Variants in CRTC3 observed in about 807,000 individuals in gnomAD.
The protein encoded by CRTC3 is CREB regulated transcription coactivator 3.
CRTC3 carries 26 observed loss-of-function variants against 74.5 expected under a neutral mutation model. That is an observed-to-expected ratio of 0.35 (90% CI 0.26 to 0.48). CRTC3 has a LOEUF of 0.48. Ranked by LOEUF, CRTC3 falls within the 20% of genes least tolerant of loss-of-function variation. The pLI is 0.99. For missense variants in CRTC3, 760 were observed against 787.3 expected, an observed-to-expected ratio of 0.97 and a Z score of 0.41; for synonymous variants, 377 against 325.8, an observed-to-expected ratio of 1.16 and a Z score of -1.69.
chr15:90,552,776 G>A (rs1333978174), intron 2 of CRTC3, among the ~76,000 whole-genome samples: 1 of 152,202 alleles, frequency 6.6e-6, no homozygotes, highest in East Asian at 1.9e-4. Flanking sequence ...GAGCTGGATT[G>A]TGTTAAGGGA....
intron 3 of CRTC3, chr15:90,596,295 G>C (rs1204017471): frequency 6.6e-6 from 1 of 152,242 alleles, no homozygotes; most frequent in African/African-American, 2.4e-5. Flanking sequence ...TGGGAGGTAT[G>C]TTCCAGGCAG....
At chr15:90,560,505 G>A (rs961156716) in intron 2 of CRTC3, among the ~76,000 whole-genome samples, 7 of 152,326 alleles carry the variant, frequency 4.6e-5, no homozygotes, top group African/African-American at 7.2e-5. Flanking sequence ...CCTCAGCTAC[G>A]CAGCATGATT....
chr15:90,635,643 T>C (rs1050423642), intron 11 of CRTC3, among the ~76,000 whole-genome samples: 1 of 152,028 alleles, frequency 6.6e-6, no homozygotes, highest in African/African-American at 2.4e-5. Flanking sequence ...AGACTCTGTC[T>C]CCAGAAAAAC....
chr15:90,603,378 G>A (rs1410071895), intron 4 of CRTC3, among the ~76,000 whole-genome samples: 1 of 151,856 alleles, frequency 6.6e-6, no homozygotes, highest in East Asian at 1.9e-4. Flanking sequence ...AGGAGGCGGA[G>A]CTTGCAGTGA....
chr15:90,603,691 T>G (rs1263764668), intron 4 of CRTC3, among the ~76,000 whole-genome samples: 1 of 152,182 alleles, frequency 6.6e-6, no homozygotes, highest in Non-Finnish European at 1.5e-5. Flanking sequence ...ATTTAAAATG[T>G]GTGTATCAAA....
intron 2 of CRTC3, among the ~76,000 whole-genome samples, chr15:90,564,428 G>A (rs928086085): frequency 2.6e-5 from 4 of 152,022 alleles, no homozygotes; most frequent in African/African-American, 9.7e-5. Flanking sequence ...TAGTTCTTAG[G>A]AACTACTGAA....
At chr15:90,545,863 C>T (rs1966843493) in intron 2 of CRTC3, among the ~76,000 whole-genome samples, 1 of 152,222 alleles carries the variant, frequency 6.6e-6, no homozygotes, top group Non-Finnish European at 1.5e-5. Flanking sequence ...CAGGCGTGAG[C>T]CACTGCGCCT....
intron 2 of CRTC3, among the ~76,000 whole-genome samples, chr15:90,550,103 A>C (rs1432732824): frequency 6.6e-6 from 1 of 151,680 alleles, no homozygotes; most frequent in South Asian, 2.1e-4. Context: ...CTCTTGGCCT[A>C]GGATGACTTA....
chr15:90,591,822 T>C (rs1246437171), intron 2 of CRTC3, among the ~76,000 whole-genome samples: 2 of 152,190 alleles, frequency 1.3e-5, no homozygotes, highest in African/African-American at 4.8e-5. Flanking sequence ...TGTGTCCTCA[T>C]TGCATCTTGC....
intron 2 of CRTC3, among the ~76,000 whole-genome samples, chr15:90,540,656 C>T (rs919941304): frequency 6.6e-6 from 1 of 152,108 alleles, no homozygotes; most frequent in East Asian, 1.9e-4. Context: ...AGCTGTAGTC[C>T]CAGCTACTTG....
intron 6 of CRTC3, 145 bp from the exon 7 acceptor site, chr15:90,614,308 C>A: frequency 1.7e-6 from 1 of 585,838 alleles, no homozygotes; most frequent in Non-Finnish European, 3.0e-6. Flanking sequence ...GATAAAGCAC[C>A]TTAAATGAAA....
At chr15:90,630,567 T>C (rs6496713) in intron 11 of CRTC3, among the ~76,000 whole-genome samples, 101,324 of 151,938 alleles carry the variant, frequency 0.67, 35,039 homozygotes, top group South Asian at 0.78. Flanking sequence ...TGAGCCAAGA[T>C]AGCCTCACTG....
chr15:90,557,161 G>A (rs1966910191), intron 2 of CRTC3, among the ~76,000 whole-genome samples: 1 of 152,036 alleles, frequency 6.6e-6, no homozygotes, highest in Non-Finnish European at 1.5e-5. Context: ...ATTTTAATCA[G>A]TGTCTGGGAG....
At chr15:90,539,994 T>A (rs1451816228) in intron 1 of CRTC3, 45 bp from the exon 2 acceptor site, 2 of 1,248,344 alleles carry the variant, frequency 1.6e-6, no homozygotes. Context: ...CTTCTTTAGA[T>A]CTTTGCTGTT....
Position 90,645,160 on chromosome 15 carries a change from T to C in CRTC3, c.*3020T>C, listed in dbSNP as rs1002178223. 1.0e-4 allele frequency: 23 copies of C among 229,770 alleles called. No homozygotes were observed. Among genetic ancestry groups the C allele is most frequent in the African/African-American group, 4.0e-4 (18 of 45,114 alleles). 14.2% of individuals were successfully genotyped at this position (229,770 alleles called of 1,614,324 possible). ...ATGCACAGATGGTTCCCAGCATGTG[T>C]CCAGTGCTTCATGGATGGGACCATC... On this transcript the variant is annotated 3_prime_UTR_variant, in exon 15 of 15. Transcript: ENST00000268184.
rs145479741 is a variant in CRTC3 at position 90,579,172 on chromosome 15, T to C, written c.232-14464T>C. Among the ~76,000 whole-genome samples the C allele has an allele frequency of 1.8e-3, 271 of 152,362 alleles. 1 individual carries two copies. The highest frequency in any genetic ancestry group is 6.1e-3 in the African/African-American group (255 of 41,590). On this transcript the variant is annotated intron_variant, in intron 2 of 14. Coordinates refer to ENST00000268184, the MANE Select transcript of CRTC3 (RefSeq NM_022769.5). ...AGTATTTGCTTTGTATTAGGTATTA[T>C]AAATAATTTGGAGGTGATTTATAGT... is the stretch of plus-strand genomic sequence containing the variant.
intron 2 of CRTC3, among the ~76,000 whole-genome samples, chr15:90,580,224 G>C (rs538107030): frequency 6.6e-6 from 1 of 152,170 alleles, no homozygotes; most frequent in African/African-American, 2.4e-5. Flanking sequence ...GTTAATCACT[G>C]TTCCCTTGTC....
intron 2 of CRTC3, among the ~76,000 whole-genome samples, chr15:90,568,944 A>G (rs1445054322): frequency 1.3e-5 from 2 of 151,928 alleles, no homozygotes; most frequent in South Asian, 2.1e-4. Flanking sequence ...GCATAATGCT[A>G]TTGCACACTT....
chr15:90,611,012 C>T (rs1330119805), intron 6 of CRTC3, among the ~76,000 whole-genome samples: 1 of 152,180 alleles, frequency 6.6e-6, no homozygotes, highest in Non-Finnish European at 1.5e-5. Flanking sequence ...AAGCTTTGAC[C>T]TGCAGAGTTA....
Sources: allele counts gnomAD v4.1 joint callset (sites outside exome capture counted in the v4.1 genomes callset), GRCh38; gene constraint gnomAD v4.1.1; transcripts MANE v1.5; gene names NCBI Gene and HGNC (gene_info 2026-07-23, HGNC 2026-07-21).